The following THSD4 variants were observed in gnomAD, a reference collection of about 807,000 sequenced individuals.
THSD4 encodes the protein thrombospondin type 1 domain containing 4, also known as thrombospondin type-1 domain-containing protein 4.
THSD4 carries 69 observed loss-of-function variants against 119.0 expected under a neutral mutation model. The observed-to-expected ratio is 0.58, with a 90% CI of 0.48 to 0.71. The LOEUF (loss-of-function observed/expected upper bound fraction) is 0.71. THSD4 is among the 30% of genes least tolerant of loss of function. THSD4 has a pLI of 0.00. For synonymous variants in THSD4, 524 were observed against 540.4 expected (o/e 0.97, Z 0.42); for missense variants, 1,393 against 1,391.1 (o/e 1.00, Z -0.02).
intron 10 of THSD4, chr15:71,731,437 A>G (rs1034834379): frequency 2.6e-5 from 14 of 544,386 alleles, no homozygotes; most frequent in Non-Finnish European, 4.6e-5. Context: ...CCAAAATGGC[A>G]TGAGCATCCT....
At chr15:71,453,876 C>T (rs2047300441) in intron 7 of THSD4, among the ~76,000 whole-genome samples, 1 of 152,226 alleles carries the variant, frequency 6.6e-6, no homozygotes. Flanking sequence ...GGCATGGGAG[C>T]ATTGCAAATG....
At chr15:71,651,067 A>T (rs1431823220) in intron 7 of THSD4, among the ~76,000 whole-genome samples, 1 of 152,208 alleles carries the variant, frequency 6.6e-6, no homozygotes, top group Non-Finnish European at 1.5e-5. Flanking sequence ...GAGTATCAAG[A>T]TCTATGCTCA....
chr15:71,100,554 C>T (rs574495672), intron 1 of THSD4, among the ~76,000 whole-genome samples: 1 of 152,176 alleles, frequency 6.6e-6, no homozygotes, highest in African/African-American at 2.4e-5. Context: ...TTAGCCATGC[C>T]TGCATTCCTG....
chr15:71,763,964 G>A (rs570805365), intron 15 of THSD4, among the ~76,000 whole-genome samples: 1 of 152,294 alleles, frequency 6.6e-6, no homozygotes, highest in East Asian at 1.9e-4. Flanking sequence ...CTACTCTGGA[G>A]GCTGAGGTGG....
chr15:71,426,392 TG>T (rs10591100), intron 7 of THSD4, among the ~76,000 whole-genome samples: 26,142 of 138,804 alleles, frequency 0.19, 2,660 homozygotes, highest in Non-Finnish European at 0.26. Flanking sequence ...TGTGTGTGTG[TG>T]TGTGTGTGTG....
In THSD4 at chr15:71,297,630, G is replaced by A. The variant is rs8042140; in HGVS notation, c.1015+40915G>A. Reference sequence around the variant, plus strand: ...ATTACAGACGTGAGCTACCACGCTCGGCCTTTTCCTCCTCCTTTTTAAAGA... The same window carrying A: ...ATTACAGACGTGAGCTACCACGCTCAGCCTTTTCCTCCTCCTTTTTAAAGA... On this transcript the variant is annotated intron_variant, in intron 6 of 17. Transcript: ENST00000261862. 8.1e-3 allele frequency among the ~76,000 whole-genome samples: 1,230 copies of A among 152,110 alleles called. 18 individuals carry two copies. The highest frequency in any genetic ancestry group is 0.027 in the African/African-American group (1,125 of 41,490).
chr15:71,182,326 T>G (rs1040985592), intron 3 of THSD4, among the ~76,000 whole-genome samples: 1 of 151,780 alleles, frequency 6.6e-6, no homozygotes, highest in African/African-American at 2.4e-5. Flanking sequence ...CATTATAAAT[T>G]TGTTATTAGT....
At chr15:71,661,687 C>T (rs570965222) in intron 8 of THSD4, among the ~76,000 whole-genome samples, 58 of 152,218 alleles carry the variant, frequency 3.8e-4, no homozygotes, top group African/African-American at 1.3e-3. Flanking sequence ...TGAGCCACCA[C>T]GCCTGGCCTT....
intron 14 of THSD4, among the ~76,000 whole-genome samples, chr15:71,750,151 C>T (rs746246457): frequency 6.6e-6 from 1 of 152,148 alleles, no homozygotes; most frequent in Non-Finnish European, 1.5e-5. Context: ...TCTTAGGAGA[C>T]ACGATGCAGC....
At chr15:71,199,919 GT>G (rs1465188272) in intron 3 of THSD4, among the ~76,000 whole-genome samples, 46 of 95,652 alleles carry the variant, frequency 4.8e-4, no homozygotes, top group African/African-American at 2.4e-3. Context: ...TGTGTGGGGT[GT>G]GTGTGTGTGT....
chr15:71,700,047 G>A (rs184153766), intron 8 of THSD4, among the ~76,000 whole-genome samples: 6 of 152,218 alleles, frequency 3.9e-5, no homozygotes, highest in Non-Finnish European at 8.8e-5. Flanking sequence ...ATCCTATTTC[G>A]AGGAAAAGAT....
At chr15:71,119,003 C>T (rs183539367) in intron 1 of THSD4, among the ~76,000 whole-genome samples, 215 of 152,308 alleles carry the variant, frequency 1.4e-3, no homozygotes, top group African/African-American at 4.7e-3. Context: ...CCCACAGCCT[C>T]GCTGGCTTGT....
upstream of THSD4, chr15:71,112,349 A>T (rs1300029558): frequency 4.2e-5 from 43 of 1,018,974 alleles, no homozygotes; most frequent in East Asian, 1.2e-3. Context: ...TAATTATAAT[A>T]GGACAACAGG....
intron 6 of THSD4, among the ~76,000 whole-genome samples, chr15:71,315,386 C>A (rs1437380774): frequency 2.0e-5 from 3 of 152,226 alleles, no homozygotes; most frequent in Non-Finnish European, 4.4e-5. Flanking sequence ...TGAACTGGTT[C>A]ACCTCTCTCT....
intron 3 of THSD4, chr15:71,164,959 T>C (rs1440220655): frequency 6.3e-7 from 1 of 1,596,572 alleles, no homozygotes; most frequent in Admixed American, 1.7e-5. Context: ...TTTCGTATTT[T>C]TCCTTCAGCT....
At chr15:71,620,398 G>C (rs2050399204) in intron 7 of THSD4, among the ~76,000 whole-genome samples, 1 of 152,002 alleles carries the variant, frequency 6.6e-6, no homozygotes, top group Non-Finnish European at 1.5e-5. Context: ...TTAGAGATCA[G>C]CTTGGGGAAC....
intron 7 of THSD4, among the ~76,000 whole-genome samples, chr15:71,615,017 A>G (rs1015849445): frequency 3.3e-5 from 5 of 152,198 alleles, no homozygotes; most frequent in African/African-American, 1.2e-4. Flanking sequence ...CCTCTCTATC[A>G]AACTACTGCC....
At chr15:71,544,085 G>T (rs4777409) in intron 7 of THSD4, among the ~76,000 whole-genome samples, 75,471 of 151,858 alleles carry the variant, frequency 0.5, 19,236 homozygotes, top group East Asian at 0.79. Flanking sequence ...GCCATTGGAA[G>T]GATAGGATGG....
chr15:71,441,260 G>T (rs76245017), intron 7 of THSD4, among the ~76,000 whole-genome samples: 2,282 of 47,746 alleles, frequency 0.048, 71 homozygotes, highest in African/African-American at 0.12. Flanking sequence ...ATGTCTGGGG[G>T]TAGCAAAGAC....
Sources: gnomAD v4.1 joint callset for allele counts (sites outside exome capture counted in the v4.1 genomes callset) on GRCh38, gnomAD v4.1.1 for gene constraint, MANE v1.5 for transcripts, NCBI Gene and HGNC (gene_info 2026-07-23, HGNC 2026-07-21) for gene names.